Variants in ATP13A5 observed in about 807,000 individuals in gnomAD.
The protein encoded by ATP13A5 is ATPase 13A5.
Under a neutral mutation model 150.2 loss-of-function variants are expected in ATP13A5, and 149 were observed. The observed-to-expected ratio is 0.99, with a 90% CI of 0.87 to 1.14. ATP13A5 has a LOEUF of 1.14. Ranked by LOEUF, ATP13A5 falls within the 50% of genes most tolerant of loss-of-function variation. The pLI, the probability that ATP13A5 is intolerant of heterozygous loss-of-function variation, is 0.00. For synonymous variants in ATP13A5, 497 were observed against 522.2 expected, an observed-to-expected ratio of 0.95 and a Z score of 0.66; for missense variants, 1,383 against 1,449.3, an observed-to-expected ratio of 0.95 and a Z score of 0.74.
intron 15 of ATP13A5, 145 bp from the exon 16 acceptor site, chr3:193,321,982 T>C: frequency 1.0e-6 from 1 of 976,322 alleles, no homozygotes; most frequent in Non-Finnish European, 1.5e-6. Context: ...TGTGTGTGTG[T>C]GTGTGGCTGC....
chr3:193,362,181 G>A (rs1713032765), intron 5 of ATP13A5, among the ~76,000 whole-genome samples, 200 bp downstream of exon 5: 1 of 152,192 alleles, frequency 6.6e-6, no homozygotes, highest in Admixed American at 6.5e-5. Flanking sequence ...AATTTTATAT[G>A]ATTGCATTGT....
At chr3:193,321,558 G>A in intron 16 of ATP13A5, 123 bp downstream of exon 16, 1 of 1,029,808 alleles carries the variant, frequency 9.7e-7, no homozygotes, top group Non-Finnish European at 1.4e-6. Flanking sequence ...TTGAACTTGG[G>A]AGGTGGAGGC....
At chr3:193,311,253 A>C (rs942369305) in intron 20 of ATP13A5, among the ~76,000 whole-genome samples, 1 of 152,156 alleles carries the variant, frequency 6.6e-6, no homozygotes, top group African/African-American at 2.4e-5. Context: ...AGGGTGACAG[A>C]ATTTTCATGA....
intron 7 of ATP13A5, among the ~76,000 whole-genome samples, chr3:193,346,177 C>T (rs909788136): frequency 2.6e-5 from 4 of 152,066 alleles, no homozygotes; most frequent in Non-Finnish European, 5.9e-5. Flanking sequence ...ATAGAGCCCT[C>T]TGTGTAGTAC....
At chr3:193,275,507 C>T (rs1328769030) in intron 29 of ATP13A5, among the ~76,000 whole-genome samples, 1 of 152,200 alleles carries the variant, frequency 6.6e-6, no homozygotes, top group Non-Finnish European at 1.5e-5. Context: ...CTGCCAGAAG[C>T]TTCCAGCATT....
intron 26 of ATP13A5, among the ~76,000 whole-genome samples, chr3:193,288,993 A>G (rs1349289165): frequency 6.6e-6 from 1 of 152,092 alleles, no homozygotes; most frequent in Non-Finnish European, 1.5e-5. Flanking sequence ...TTTTGGAAAA[A>G]ATCTAGTGTT....
intron 23 of ATP13A5, among the ~76,000 whole-genome samples, chr3:193,303,680 G>T (rs1435635818): frequency 6.6e-6 from 1 of 151,966 alleles, no homozygotes; most frequent in Non-Finnish European, 1.5e-5. Context: ...GTAGCAGCAC[G>T]TGATGCGAGA....
chr3:193,346,361 T>C (rs1712336726), intron 7 of ATP13A5, among the ~76,000 whole-genome samples: 1 of 152,090 alleles, frequency 6.6e-6, no homozygotes, highest in Admixed American at 6.6e-5. Context: ...AAGCATCTTA[T>C]AGGATAACAC....
At chr3:193,325,252 C>A (rs1436945729) in intron 13 of ATP13A5, among the ~76,000 whole-genome samples, 3 of 152,214 alleles carry the variant, frequency 2.0e-5, no homozygotes, top group African/African-American at 7.2e-5. Flanking sequence ...ATGCCCTGTA[C>A]TCTAGATCCA....
intron 1 of ATP13A5, among the ~76,000 whole-genome samples, chr3:193,375,439 G>C (rs935325526): frequency 1.3e-5 from 2 of 152,106 alleles, no homozygotes; most frequent in African/African-American, 2.4e-5. Context: ...TGAAGCTATG[G>C]GTCCTGAGAC....
intron 12 of ATP13A5, among the ~76,000 whole-genome samples, chr3:193,327,785 T>TG (rs1185155353): frequency 6.6e-6 from 1 of 152,210 alleles, no homozygotes; most frequent in Admixed American, 6.5e-5. Flanking sequence ...TTACATACTC[T>TG]GGTGTCTTGA....
chr3:193,279,544 CA>C lies in ATP13A5; in HGVS notation c.3227-91del, dbSNP rs1717386606. The C allele has an allele frequency of 3.2e-6, 3 of 939,040 alleles. No individual in the cohort carries two copies. The Admixed American group carries it at 5.9e-5, about 18-fold the overall frequency. The allele number at this position is 939,040 out of a possible 1,614,324, so 58.2% of individuals were successfully genotyped here. A position where few individuals can be genotyped will look rare whatever the true frequency, so the allele number is the denominator to read the frequency against. ...TGCAGAATCAATTATCTCTGTTGGG[CA>C]AATACCAGATATATCTTCAGATGTT... On this transcript the variant is annotated intron_variant, in intron 27 of 29. Transcript: ENST00000342358.
chr3:193,361,185 A>C (rs1041223442), intron 5 of ATP13A5, among the ~76,000 whole-genome samples: 7 of 152,184 alleles, frequency 4.6e-5, no homozygotes, highest in Admixed American at 3.9e-4. Flanking sequence ...CTATTAAACC[A>C]ATATATTTTA....
At chr3:193,280,244 G>A (rs1332950349) in intron 27 of ATP13A5, among the ~76,000 whole-genome samples, 2 of 151,912 alleles carry the variant, frequency 1.3e-5, no homozygotes, top group Non-Finnish European at 2.9e-5. Context: ...CCATAGAGAT[G>A]GGGTTTCACC....
Position 193,333,841 on chromosome 3 carries a change from A to G in ATP13A5, c.1181T>C (p.Leu394Pro). 2 of 1,613,970 alleles carry G rather than the reference A, an allele frequency of 1.2e-6. No individual in the cohort carries two copies. The highest frequency in any genetic ancestry group is 1.7e-6 in the Non-Finnish European group (2 of 1,179,880). The change falls in exon 11 of 30, where the codon CTA (leucine) becomes CCA (proline). Residue 394 changes from leucine to proline, a missense_variant. Physicochemically the swap from Leu to Pro is moderately conservative, Grantham distance 98. Coordinates refer to ENST00000342358, the MANE Select transcript of ATP13A5 (RefSeq NM_198505.4). The part of the protein sequence containing the change: ...ILYPRPLNFK[L>P]YSDAFKFIVF... Reference sequence around the variant, plus strand: ...GATGAACTTGAAGGCATCGCTGTATAGTTTGAAGTTCAGAGGCCGGGGGTA... The same window carrying G: ...GATGAACTTGAAGGCATCGCTGTATGGTTTGAAGTTCAGAGGCCGGGGGTA...
In ATP13A5 at chr3:193,333,756, G is replaced by A. The variant is rs1448838279; in HGVS notation, c.1266C>T (p.Tyr422=). The A allele has an allele frequency of 3.1e-6, 5 of 1,613,180 alleles. No individual in the cohort carries two copies. Among genetic ancestry groups the A allele is most frequent in the Non-Finnish European group, 4.2e-6 (5 of 1,179,600 alleles). Residue 422 remains tyrosine (Y), a synonymous_variant, in exon 11 of 30, where the codon TAC becomes TAT. Transcript: ENST00000342358. ...GFFYALGVYM[Y]HGVPPKDTVT... ...CCTTACCCCCAGTACTTACTCCATG[G>A]TACATATATACCCCTAGGGCATAGA...
In ATP13A5 at chr3:193,333,923, C is replaced by T. The variant is rs752403544; in HGVS notation, c.1115-16G>A. ...GTATTGTAACCTACATAAAGATAAT[C>T]ATAGATCAAGTAAGGCTGCTTGATG... On this transcript the variant is annotated splice_polypyrimidine_tract_variant and intron_variant, in intron 10 of 29. Coordinates refer to ENST00000342358, the MANE Select transcript of ATP13A5 (RefSeq NM_198505.4). 1 of 1,605,790 alleles carries T rather than the reference C, an allele frequency of 6.2e-7. No individual in the cohort carries two copies. Among genetic ancestry groups the T allele is most frequent in the South Asian group, 1.1e-5 (1 of 89,600 alleles).
chr3:193,305,597 A>G lies in ATP13A5; in HGVS notation c.2640T>C (p.Ser880=). 1 of 1,613,956 alleles carries G rather than the reference A, an allele frequency of 6.2e-7. No individual in the cohort carries two copies. Among genetic ancestry groups the G allele is most frequent in the Non-Finnish European group, 8.5e-7 (1 of 1,179,876 alleles). The change falls in exon 23 of 30, where the codon TCT becomes TCC. Residue 880 remains serine, a synonymous_variant. Coordinates refer to ENST00000342358, the MANE Select transcript of ATP13A5 (RefSeq NM_198505.4). ...GCACACACTGGATGTTGGTTGTTTT[A>G]GAGGTAAAAGGGGATGCCACAGATG... ...QEASVASPFT[S]KTTNIQCVPH...
At chr3:193,362,320 T>C (rs1326036122) in intron 5 of ATP13A5, 61 bp downstream of exon 5, 1 of 1,429,158 alleles carries the variant, frequency 7.0e-7, no homozygotes, top group African/African-American at 1.4e-5. Context: ...TGATGATAAC[T>C]GATTTGATAC....
Sources: gnomAD v4.1 joint callset for allele counts (sites outside exome capture counted in the v4.1 genomes callset) on GRCh38, gnomAD v4.1.1 for gene constraint, MANE v1.5 for transcripts, NCBI Gene and HGNC (gene_info 2026-07-23, HGNC 2026-07-21) for gene names.